Variants in SUGCT observed in about 807,000 individuals in gnomAD.
SUGCT encodes succinyl-CoA:glutarate CoA-transferase.
A neutral mutation model predicts 55.0 loss-of-function variants in SUGCT; 41 were observed. The ratio of observed to expected loss-of-function variants is 0.74; its 90% CI spans 0.58 to 0.97. SUGCT has a LOEUF of 0.97. Ranked by LOEUF, SUGCT falls within the 50% of genes least tolerant of loss-of-function variation. The pLI is 0.00. For synonymous variants in SUGCT, 187 were observed against 200.4 expected (o/e 0.93, Z 0.56); for missense variants, 568 against 547.8 (o/e 1.04, Z -0.37).
the SUGCT span, among the ~76,000 whole-genome samples, chr7:40,951,349 C>G: frequency 6.6e-6 from 1 of 151,828 alleles, no homozygotes; most frequent in Non-Finnish European, 1.5e-5. Context: ...TCTCTCTTTT[C>G]TTCTTTATTA....
At chr7:40,591,465 A>G (rs1160177425) in intron 12 of SUGCT, among the ~76,000 whole-genome samples, 2 of 152,222 alleles carry the variant, frequency 1.3e-5, no homozygotes, top group Non-Finnish European at 2.9e-5. Context: ...TGTGAACATT[A>G]CTGAATCGAC....
chr7:40,369,708 A>G (rs1227274799), intron 9 of SUGCT, among the ~76,000 whole-genome samples: 1 of 152,184 alleles, frequency 6.6e-6, no homozygotes, highest in Non-Finnish European at 1.5e-5. Flanking sequence ...TCCAGTTGAC[A>G]TGGGTGGGAA....
chr7:40,236,413 T>C (rs1265893340), intron 6 of SUGCT, among the ~76,000 whole-genome samples: 1 of 146,398 alleles, frequency 6.8e-6, no homozygotes. Flanking sequence ...AGAAAATCTT[T>C]CCTGTGTTCT....
At chr7:40,976,350 T>C in the SUGCT span, among the ~76,000 whole-genome samples, 2 of 152,194 alleles carry the variant, frequency 1.3e-5, no homozygotes, top group Non-Finnish European at 2.9e-5. Flanking sequence ...GGGCAAACTA[T>C]TCATTAAATA....
intron 12 of SUGCT, among the ~76,000 whole-genome samples, chr7:40,533,846 A>G (rs1245191682): frequency 6.6e-6 from 1 of 152,150 alleles, no homozygotes; most frequent in Non-Finnish European, 1.5e-5. Context: ...CTTCTTTTAC[A>G]TTATTACTCC....
intron 11 of SUGCT, among the ~76,000 whole-genome samples, chr7:40,493,878 A>T (rs1037488759): frequency 6.6e-6 from 1 of 152,174 alleles, no homozygotes; most frequent in Non-Finnish European, 1.5e-5. Flanking sequence ...AAAATGATGG[A>T]TATGTCCTCT....
intron 9 of SUGCT, among the ~76,000 whole-genome samples, chr7:40,402,859 G>A (rs1786156204): frequency 6.6e-6 from 1 of 152,104 alleles, no homozygotes; most frequent in Non-Finnish European, 1.5e-5. Context: ...AGCAAGCACT[G>A]CCAACTTTCT....
At chr7:40,804,086 G>T (rs1019234873) in intron 13 of SUGCT, among the ~76,000 whole-genome samples, 1 of 152,094 alleles carries the variant, frequency 6.6e-6, no homozygotes, top group Non-Finnish European at 1.5e-5. Flanking sequence ...GTCGCAAAGG[G>T]GCTAATCATA....
intron 9 of SUGCT, among the ~76,000 whole-genome samples, chr7:40,445,089 G>A (rs187234456): frequency 9.2e-5 from 14 of 152,114 alleles, no homozygotes; most frequent in African/African-American, 2.9e-4. Context: ...TGATCATGGT[G>A]GATAAGCTTT....
the SUGCT span, among the ~76,000 whole-genome samples, chr7:40,876,989 T>C: frequency 1.3e-5 from 2 of 152,230 alleles, no homozygotes; most frequent in Non-Finnish European, 2.9e-5. Context: ...AGCCTTTCTC[T>C]TCTTTAATAT....
intron 12 of SUGCT, among the ~76,000 whole-genome samples, chr7:40,690,547 T>C (rs1784648554): frequency 6.6e-6 from 1 of 152,118 alleles, no homozygotes; most frequent in Non-Finnish European, 1.5e-5. Flanking sequence ...AATAGCAAGA[T>C]ATAGAGAGAT....
intron 13 of SUGCT, among the ~76,000 whole-genome samples, chr7:40,830,126 A>G (rs1792576556): frequency 6.6e-6 from 1 of 151,988 alleles, no homozygotes; most frequent in Admixed American, 6.6e-5. Context: ...CTGTGTCCCC[A>G]ACTGCCACCA....
chr7:40,201,422 C>G (rs1470654281), intron 6 of SUGCT, among the ~76,000 whole-genome samples: 3 of 151,944 alleles, frequency 2.0e-5, no homozygotes, highest in Non-Finnish European at 4.4e-5. Context: ...TAAAGGGAAC[C>G]CTCATAGTCA....
At chr7:40,687,247 A>AC (rs1167294721) in intron 12 of SUGCT, among the ~76,000 whole-genome samples, 4 of 152,140 alleles carry the variant, frequency 2.6e-5, no homozygotes, top group African/African-American at 9.7e-5. Context: ...TCAACCTACC[A>AC]CATCTAATTG....
At chr7:40,580,818 C>T (rs1439406735) in intron 12 of SUGCT, among the ~76,000 whole-genome samples, 7 of 152,102 alleles carry the variant, frequency 4.6e-5, no homozygotes, top group African/African-American at 7.2e-5. Context: ...AATTGCCTAC[C>T]GTATTCAGTA....
At chr7:40,574,771 C>A (rs1796634697) in intron 12 of SUGCT, among the ~76,000 whole-genome samples, 1 of 152,162 alleles carries the variant, frequency 6.6e-6, no homozygotes, top group South Asian at 2.1e-4. Context: ...TATGAATCAG[C>A]TTCCTACTTT....
intron 9 of SUGCT, among the ~76,000 whole-genome samples, chr7:40,354,965 A>C (rs1053252498): frequency 3.9e-5 from 6 of 152,006 alleles, no homozygotes; most frequent in African/African-American, 1.4e-4. Context: ...TTTTTCTTAC[A>C]TTGACTCAGA....
chr7:40,150,858 G>A (rs1028989916), intron 1 of SUGCT, among the ~76,000 whole-genome samples: 6 of 152,178 alleles, frequency 3.9e-5, no homozygotes, highest in African/African-American at 7.2e-5. Flanking sequence ...AAACCCTTGG[G>A]CAGTTACATT....
intron 13 of SUGCT, among the ~76,000 whole-genome samples, chr7:40,768,832 G>C (rs1479409291): frequency 6.6e-6 from 1 of 152,172 alleles, no homozygotes; most frequent in Non-Finnish European, 1.5e-5. Flanking sequence ...CCAGTACCCT[G>C]TATTGGAAGG....
Sources: gnomAD v4.1 joint callset for allele counts (sites outside exome capture counted in the v4.1 genomes callset) on GRCh38, gnomAD v4.1.1 for gene constraint, MANE v1.5 for transcripts, NCBI Gene and HGNC (gene_info 2026-07-23, HGNC 2026-07-21) for gene names.